CACNA2D3: variants seen among roughly 807,000 people sequenced by gnomAD.
CACNA2D3 encodes voltage-dependent calcium channel subunit alpha-2/delta-3.
In CACNA2D3, 60 loss-of-function variants were observed where a neutral mutation model predicts 160.6. That is an observed-to-expected ratio of 0.37 (90% CI 0.30 to 0.46). The LOEUF is 0.46. Among genes scored for constraint, CACNA2D3 ranks in the 20% least tolerant of loss-of-function variants. CACNA2D3 has a pLI of 1.00. For synonymous variants in CACNA2D3, 558 were observed against 492.9 expected (o/e 1.13, Z -1.75); for missense variants, 1,205 against 1,365.0 (o/e 0.88, Z 1.85).
chr3:54,357,852 A>G (rs1698676150), intron 3 of CACNA2D3, among the ~76,000 whole-genome samples: 1 of 152,252 alleles, frequency 6.6e-6, no homozygotes, highest in South Asian at 2.1e-4. Flanking sequence ...ACTATATGCC[A>G]TTCTGGAGAA....
chr3:54,986,469 G>A (rs1358648491), intron 30 of CACNA2D3, among the ~76,000 whole-genome samples: 5 of 152,182 alleles, frequency 3.3e-5, no homozygotes, highest in Non-Finnish European at 5.9e-5. Flanking sequence ...AGTAGTACAC[G>A]CCCACAGAGT....
At chr3:54,136,130 C>G (rs1334280784) in intron 2 of CACNA2D3, among the ~76,000 whole-genome samples, 2 of 152,184 alleles carry the variant, frequency 1.3e-5, no homozygotes, top group Non-Finnish European at 1.5e-5. Flanking sequence ...TGCATTTGAG[C>G]CTGAATTTCA....
chr3:54,156,542 G>A lies in CACNA2D3; in HGVS notation c.204+32948G>A, dbSNP rs188898911. ...TGAGTCCCTGGGAGCCAGACTCCAC[G>A]ATGGCCCCCATTCCCTCCCGGTCTT... On this transcript the variant is annotated intron_variant, in intron 2 of 37. Coordinates refer to ENST00000474759, the MANE Select transcript of CACNA2D3 (RefSeq NM_018398.3). 3.5e-3 allele frequency among the ~76,000 whole-genome samples: 532 copies of A among 152,322 alleles called. 5 individuals carry two copies. Among genetic ancestry groups the A allele is most frequent in the African/African-American group, 0.012 (494 of 41,566 alleles).
chr3:54,898,181 CTTTT>C (rs759520635), intron 26 of CACNA2D3, among the ~76,000 whole-genome samples: 1 of 95,282 alleles, frequency 1.0e-5, no homozygotes, highest in African/African-American at 3.9e-5. Flanking sequence ...CTTTTCTTTT[CTTTT>C]CTTTTCTTTT....
intron 2 of CACNA2D3, among the ~76,000 whole-genome samples, chr3:54,302,961 A>G (rs761372410): frequency 1.3e-5 from 2 of 151,958 alleles, no homozygotes; most frequent in Non-Finnish European, 2.9e-5. Flanking sequence ...GTGTGGGCAC[A>G]TGACATTTTC....
rs1428134145 is a variant in CACNA2D3 at position 54,883,820 on chromosome 3, TCTC to T, written c.1913-1457_1913-1455del. On this transcript the variant is annotated intron_variant, in intron 21 of 37. Coordinates refer to ENST00000474759, the MANE Select transcript of CACNA2D3 (RefSeq NM_018398.3). ...TGGAATCTCTCTCTCTCTCTCTCTC[TCTC>T]CTCTCTCTCCCTTCAACCCTCCTTA... Among the ~76,000 whole-genome samples, 941 of 143,250 alleles carry T rather than the reference TCTC, an allele frequency of 6.6e-3. 17 individuals carry two copies. Among genetic ancestry groups the T allele is most frequent in the African/African-American group, 0.022 (821 of 37,962 alleles). 94.0% of individuals were successfully genotyped at this position (143,250 alleles called of 152,430 possible). A position where few individuals can be genotyped will look rare whatever the true frequency, so the allele number is the denominator to read the frequency against.
chr3:54,532,517 C>T (rs1701821330), intron 5 of CACNA2D3, among the ~76,000 whole-genome samples: 1 of 152,202 alleles, frequency 6.6e-6, no homozygotes, highest in African/African-American at 2.4e-5. Context: ...GTGTACGCAT[C>T]ATTTAGCTAT....
chr3:54,599,167 C>T (rs865853608), intron 9 of CACNA2D3, among the ~76,000 whole-genome samples: 3 of 152,156 alleles, frequency 2.0e-5, no homozygotes, highest in African/African-American at 4.8e-5. Context: ...AATATAGTCA[C>T]GCCATCCCCT....
chr3:54,684,704 C>T (rs748064559), intron 11 of CACNA2D3, among the ~76,000 whole-genome samples: 1 of 151,964 alleles, frequency 6.6e-6, no homozygotes. Context: ...TCCTGAGAAG[C>T]CCAGGAGACA....
intron 5 of CACNA2D3, among the ~76,000 whole-genome samples, chr3:54,546,763 T>G (rs1333009371): frequency 6.6e-6 from 1 of 151,610 alleles, no homozygotes; most frequent in African/African-American, 2.4e-5. Context: ...CTTTATGGAG[T>G]GGAGTGAATT....
chr3:54,497,921 C>CTTGAA, intron 4 of CACNA2D3, among the ~76,000 whole-genome samples: 1 of 151,834 alleles, frequency 6.6e-6, no homozygotes, highest in South Asian at 2.1e-4. Flanking sequence ...TTAAACCAAC[C>CTTGAA]TTGAATTCCT....
chr3:54,758,951 G>A (rs1217936935), intron 12 of CACNA2D3, among the ~76,000 whole-genome samples: 1 of 152,196 alleles, frequency 6.6e-6, no homozygotes, highest in East Asian at 1.9e-4. Context: ...TCTGGTCATT[G>A]CAAAGTGGAG....
chr3:54,694,720 T>C (rs1231465908), intron 11 of CACNA2D3, among the ~76,000 whole-genome samples: 1 of 152,236 alleles, frequency 6.6e-6, no homozygotes, highest in East Asian at 1.9e-4. Flanking sequence ...TTTGGGTTCC[T>C]TCCCTGTAAG....
intron 4 of CACNA2D3, among the ~76,000 whole-genome samples, chr3:54,442,611 G>A (rs184989423): frequency 8.5e-5 from 13 of 152,280 alleles, no homozygotes; most frequent in East Asian, 3.9e-4. Flanking sequence ...AGCTGAACGC[G>A]CCGTCAATGG....
intron 2 of CACNA2D3, among the ~76,000 whole-genome samples, chr3:54,293,036 C>T (rs906074530): frequency 2.0e-5 from 3 of 152,060 alleles, no homozygotes; most frequent in Non-Finnish European, 4.4e-5. Flanking sequence ...CATGGATAAG[C>T]CTTGAAAACA....
At chr3:54,489,962 A>G (rs1701081627) in intron 4 of CACNA2D3, among the ~76,000 whole-genome samples, 2 of 152,338 alleles carry the variant, frequency 1.3e-5, no homozygotes, top group Non-Finnish European at 2.9e-5. Flanking sequence ...AGTAGTAACC[A>G]GACGGCACTA....
chr3:54,234,980 CA>C (rs1247349152), intron 2 of CACNA2D3, among the ~76,000 whole-genome samples: 2 of 152,196 alleles, frequency 1.3e-5, no homozygotes, highest in African/African-American at 4.8e-5. Flanking sequence ...ACCTGTGTAA[CA>C]AACCTTCACA....
intron 2 of CACNA2D3, among the ~76,000 whole-genome samples, chr3:54,194,885 A>G (rs1433591894): frequency 6.6e-6 from 1 of 152,128 alleles, no homozygotes; most frequent in African/African-American, 2.4e-5. Flanking sequence ...TTACATTCCA[A>G]TACATGGATT....
At chr3:54,683,792 C>T (rs1254102323) in intron 11 of CACNA2D3, among the ~76,000 whole-genome samples, 1 of 152,040 alleles carries the variant, frequency 6.6e-6, no homozygotes, top group Non-Finnish European at 1.5e-5. Context: ...TTGTCAGGGC[C>T]GTGGTCTCTC....
Sources: gnomAD v4.1 joint callset for allele counts (sites outside exome capture counted in the v4.1 genomes callset) on GRCh38, gnomAD v4.1.1 for gene constraint, MANE v1.5 for transcripts, NCBI Gene and HGNC (gene_info 2026-07-23, HGNC 2026-07-21) for gene names.